ADGRF1: variants seen among roughly 807,000 people sequenced by gnomAD.
ADGRF1 encodes adhesion G protein-coupled receptor F1.
ADGRF1 carries 85 observed loss-of-function variants against 87.2 expected under a neutral mutation model. That is an observed-to-expected ratio of 0.97 (90% CI 0.82 to 1.17). The LOEUF (loss-of-function observed/expected upper bound fraction) is 1.17, where lower values mean the gene tolerates loss of function less well. Among genes scored for constraint, ADGRF1 ranks in the 50% most tolerant of loss-of-function variants. The pLI, the probability that ADGRF1 is intolerant of heterozygous loss-of-function variation, is 0.00. For missense variants in ADGRF1, 1,169 were observed against 1,077.2 expected, an observed-to-expected ratio of 1.09 and a Z score of -1.19; for synonymous variants, 430 against 408.8, an observed-to-expected ratio of 1.05 and a Z score of -0.63.
At chr6:47,015,251 T>C (rs1343605531) in intron 8 of ADGRF1, among the ~76,000 whole-genome samples, 1 of 152,248 alleles carries the variant, frequency 6.6e-6, no homozygotes, top group South Asian at 2.1e-4. Context: ...GGTTAAAAGA[T>C]GGGCAGTTGC....
In ADGRF1 at chr6:47,029,939, C is replaced by T. The variant is rs541539239; in HGVS notation, c.-43-835G>A. On this transcript the variant is annotated intron_variant, in intron 1 of 14. Coordinates refer to ENST00000371253, the MANE Select transcript of ADGRF1 (RefSeq NM_153840.4). ...GCATTGATAGAACTTAAAGGAATAC[C>T]TTCTTCTGGCCTCTCAATGTTTCTT... 5.3e-4 allele frequency among the ~76,000 whole-genome samples: 81 copies of T among 152,332 alleles called. 1 individual carries two copies. The South Asian group carries it at 7.5e-3, about 14-fold the overall frequency.
intron 7 of ADGRF1, chr6:47,020,261 G>A (rs1780006096): frequency 1.6e-6 from 2 of 1,251,488 alleles, no homozygotes; most frequent in Non-Finnish European, 2.0e-6. Flanking sequence ...TGGGGGCCGA[G>A]GCAGGCGGAT....
rs1220686696 is a variant in ADGRF1, at chr6:46,997,779, G to C, written c.*2443C>G. On this transcript the variant is annotated 3_prime_UTR_variant, in exon 15 of 15. Coordinates refer to ENST00000371253, the MANE Select transcript of ADGRF1 (RefSeq NM_153840.4). ...GAATGTATGCATAATCAGTGAATTA[G>C]ACAAGCATGCACATACATGATATCT... 6.6e-6 allele frequency: 1 copy of C among 152,102 alleles called. No individual in the cohort carries two copies. The highest frequency in any genetic ancestry group is 1.5e-5 in the Non-Finnish European group (1 of 68,034). 9.4% of individuals were successfully genotyped at this position (152,102 alleles called of 1,614,324 possible).
rs535561122 is a variant in ADGRF1, at chr6:47,012,798, C to T, written c.928-603G>A. On this transcript the variant is annotated intron_variant, in intron 9 of 14. Coordinates refer to ENST00000371253, the MANE Select transcript of ADGRF1 (RefSeq NM_153840.4). ...TTTTTTATTTTTTTCGAGATGGAGT[C>T]TTGCTCTGTCAGCCAGGCTGGAGTG... 4 of 983,326 alleles carry T rather than the reference C, an allele frequency of 4.1e-6. No homozygotes were observed. The East Asian group carries it at 4.5e-4, about 112-fold the overall frequency. The allele number at this position is 983,326 out of a possible 1,614,324, so 60.9% of individuals were successfully genotyped here. A position where few individuals can be genotyped will look rare whatever the true frequency, so the allele number is the denominator to read the frequency against.
At chr6:47,031,270 TTCTCTC>T (rs375425604) in intron 1 of ADGRF1, among the ~76,000 whole-genome samples, 49 of 146,098 alleles carry the variant, frequency 3.4e-4, no homozygotes, top group African/African-American at 9.6e-4. Context: ...TCTCTCTCTC[TTCTCTC>T]TCTCTCTCTC....
chr6:47,028,947 G>A lies in ADGRF1; in HGVS notation c.69+46C>T, dbSNP rs747087100. Reference sequence around the variant, plus strand: ...GGGTTCTAAAAGTGCCGGAACGAGAGAGGAGAGTTAGTTGAGAAGAGATAT... The same window carrying A: ...GGGTTCTAAAAGTGCCGGAACGAGAAAGGAGAGTTAGTTGAGAAGAGATAT... On this transcript the variant is annotated intron_variant, in intron 2 of 14. Coordinates refer to ENST00000371253, the MANE Select transcript of ADGRF1 (RefSeq NM_153840.4). 7 of 1,473,978 alleles carry A rather than the reference G, an allele frequency of 4.7e-6. No individual in the cohort carries two copies. The South Asian group carries it at 7.9e-5, about 17-fold the overall frequency. The allele number at this position is 1,473,978 out of a possible 1,614,324, so 91.3% of individuals were successfully genotyped here.
intron 13 of ADGRF1, 42 bp from the exon 14 acceptor site, chr6:47,001,609 T>A (rs370349845): frequency 1.3e-6 from 2 of 1,484,224 alleles, no homozygotes; most frequent in Non-Finnish European, 1.9e-6. Flanking sequence ...TTAATAGCAT[T>A]CTTTTACTGT....
At chr6:47,039,449 C>T (rs1471526006) in intron 1 of ADGRF1, among the ~76,000 whole-genome samples, 1 of 152,128 alleles carries the variant, frequency 6.6e-6, no homozygotes, top group East Asian at 1.9e-4. Context: ...TCCCAGTTTC[C>T]ATCAGCCACT....
intron 6 of ADGRF1, among the ~76,000 whole-genome samples, chr6:47,021,350 G>A (rs987458011): frequency 1.4e-4 from 21 of 151,736 alleles, no homozygotes; most frequent in African/African-American, 4.9e-4. Context: ...TGACAATTGA[G>A]CTTAGATCAT....
chr6:47,019,442 G>A, intron 7 of ADGRF1: 1 of 851,230 alleles, frequency 1.2e-6, no homozygotes, highest in Non-Finnish European at 1.4e-6. Context: ...CCAGCACTTT[G>A]GGAAGCCGAG....
chr6:47,032,700 T>C (rs1023335635), intron 1 of ADGRF1, among the ~76,000 whole-genome samples: 4 of 152,206 alleles, frequency 2.6e-5, no homozygotes, highest in Non-Finnish European at 4.4e-5. Context: ...CTTAGGAGAA[T>C]TGAATGAGTA....
chr6:47,003,445 G>A (rs974913486), intron 13 of ADGRF1, among the ~76,000 whole-genome samples: 1 of 152,172 alleles, frequency 6.6e-6, no homozygotes, highest in Non-Finnish European at 1.5e-5. Flanking sequence ...TGATCCTGAA[G>A]AGATTAGCTG....
chr6:47,028,226 T>G (rs966277171), intron 2 of ADGRF1, among the ~76,000 whole-genome samples: 2 of 152,158 alleles, frequency 1.3e-5, no homozygotes, highest in African/African-American at 4.8e-5. Flanking sequence ...TTTCTGGGGT[T>G]GTTGAAATCA....
At chr6:47,016,881 C>T in intron 7 of ADGRF1, 113 bp from the exon 8 acceptor site, 3 of 1,347,252 alleles carry the variant, frequency 2.2e-6, no homozygotes, top group Non-Finnish European at 2.9e-6. Context: ...GTAAACAGAG[C>T]TTACATTCTA....
At chr6:47,040,228 G>T (rs1780697148) in intron 1 of ADGRF1, among the ~76,000 whole-genome samples, 1 of 152,134 alleles carries the variant, frequency 6.6e-6, no homozygotes, top group Non-Finnish European at 1.5e-5. Flanking sequence ...ACTTTGGGAG[G>T]CCGAGACAGG....
At chr6:47,035,071 C>T (rs927439184) in intron 1 of ADGRF1, among the ~76,000 whole-genome samples, 1 of 152,204 alleles carries the variant, frequency 6.6e-6, no homozygotes, top group African/African-American at 2.4e-5. Flanking sequence ...TAGTAGGATT[C>T]ATTTCCCACA....
intron 1 of ADGRF1, among the ~76,000 whole-genome samples, chr6:47,031,015 G>A (rs1395920090): frequency 1.3e-5 from 2 of 152,030 alleles, no homozygotes; most frequent in Non-Finnish European, 2.9e-5. Flanking sequence ...CGCCTGCTTC[G>A]GACTCCCAAA....
chr6:47,010,338 G>T lies in ADGRF1; in HGVS notation c.1117-20C>A, dbSNP rs1171460667. The T allele has an allele frequency of 5.1e-6, 8 of 1,564,420 alleles. No homozygotes were observed. Among genetic ancestry groups the T allele is most frequent in the Non-Finnish European group, 6.9e-6 (8 of 1,155,648 alleles). On this transcript the variant is annotated intron_variant, in intron 10 of 14. Transcript: ENST00000371253. ...GACATCCTGAAACACAAGGATGAGA[G>T]TCAGTTTGTGTTTTTGAGTAAACAG... is the stretch of plus-strand genomic sequence containing the variant.
In ADGRF1 at chr6:46,998,995, C is replaced by T. The variant is rs1779284376; in HGVS notation, c.*1227G>A. ...TGTCTTTATTTGCATAGCATGAAGG[C>T]TTTCCATGTCAGGAGGCTAAGAGAC... is the stretch of plus-strand genomic sequence containing the variant. On this transcript the variant is annotated 3_prime_UTR_variant, in exon 15 of 15. Coordinates refer to ENST00000371253, the MANE Select transcript of ADGRF1 (RefSeq NM_153840.4). 6.6e-6 allele frequency: 1 copy of T among 152,222 alleles called. No homozygotes were observed. The highest frequency in any genetic ancestry group is 1.5e-5 in the Non-Finnish European group (1 of 68,050). The allele number at this position is 152,222 out of a possible 1,614,324, so 9.4% of individuals were successfully genotyped here.
Sources: gnomAD v4.1 joint callset for allele counts (sites outside exome capture counted in the v4.1 genomes callset) on GRCh38, gnomAD v4.1.1 for gene constraint, MANE v1.5 for transcripts, NCBI Gene and HGNC (gene_info 2026-07-23, HGNC 2026-07-21) for gene names.